The following BLM variants were observed in gnomAD, a reference collection of about 807,000 sequenced individuals.
The protein encoded by BLM is BLM RecQ like helicase.
In BLM, 95 loss-of-function variants were observed where a neutral mutation model predicts 135.3. The observed-to-expected ratio is 0.70, with a 90% CI of 0.59 to 0.83. The LOEUF (loss-of-function observed/expected upper bound fraction) is 0.83, where lower values mean the gene tolerates loss of function less well. BLM is among the 40% of genes least tolerant of loss of function. The pLI is 0.00. For missense variants in BLM, 1,518 were observed against 1,663.9 expected (o/e 0.91, Z 1.53); for synonymous variants, 520 against 589.2 (o/e 0.88, Z 1.70).
rs540661120 is a variant in BLM at position 90,752,708 on chromosome 15, C to T, written c.959+762C>T. Among the ~76,000 whole-genome samples, 103 of 152,284 alleles carry T rather than the reference C, an allele frequency of 6.8e-4. 1 individual carries two copies. Among genetic ancestry groups the T allele is most frequent in the African/African-American group, 1.8e-3 (76 of 41,566 alleles). On this transcript the variant is annotated intron_variant, in intron 4 of 21. Transcript: ENST00000355112. Reference sequence around the variant, plus strand: ...GGTAGTATTACGAGAAAAATAGATACTCCACACGACTCATCAACAGCTTAA... The same window carrying T: ...GGTAGTATTACGAGAAAAATAGATATTCCACACGACTCATCAACAGCTTAA...
intron 16 of BLM, among the ~76,000 whole-genome samples, chr15:90,794,568 A>G (rs899874977): frequency 1.3e-5 from 2 of 151,840 alleles, no homozygotes; most frequent in Admixed American, 6.6e-5. Context: ...TAAAAAATAT[A>G]ATGGACATCA....
At chr15:90,750,843 A>G (rs1396329028) in intron 3 of BLM, among the ~76,000 whole-genome samples, 1 of 152,190 alleles carries the variant, frequency 6.6e-6, no homozygotes, top group Non-Finnish European at 1.5e-5. Context: ...GAAAACACAT[A>G]GTACTTATCG....
chr15:90,786,491 A>G (rs973491663), intron 14 of BLM, among the ~76,000 whole-genome samples: 1 of 152,210 alleles, frequency 6.6e-6, no homozygotes, highest in Non-Finnish European at 1.5e-5. Flanking sequence ...CTCACCAGCA[A>G]TGTATGAGGT....
intron 19 of BLM, chr15:90,808,900 T>TTGCCCTTGCTC (rs1372614006): frequency 3.5e-6 from 2 of 575,718 alleles, no homozygotes; most frequent in Non-Finnish European, 6.2e-6. Flanking sequence ...GCCCTGGCTC[T>TTGCCCTTGCTC]TGCCCTTGCT....
chr15:90,766,842 C>A, intron 9 of BLM, 68 bp from the exon 10 acceptor site: 1 of 1,016,490 alleles, frequency 9.8e-7, no homozygotes, highest in Non-Finnish European at 1.5e-6. Context: ...TTTATAAAAC[C>A]TAAGGACAAA....
In BLM at chr15:90,811,457, A is replaced by G. The variant is rs749106995; in HGVS notation, c.4076+51A>G. ...TATAGGGAACAAGGGAAGAAAGGAC[A>G]AAAGTGCAACAGCTCTGCCTTGCTT... is the stretch of plus-strand genomic sequence containing the variant. On this transcript the variant is annotated intron_variant, in intron 21 of 21. Coordinates refer to ENST00000355112, the MANE Select transcript of BLM (RefSeq NM_000057.4). 1.9e-6 allele frequency: 3 copies of G among 1,570,646 alleles called. No homozygotes were observed. The Admixed American group carries it at 5.0e-5, about 26-fold the overall frequency.
At chr15:90,794,853 T>C (rs1226570759) in intron 16 of BLM, among the ~76,000 whole-genome samples, 1 of 151,546 alleles carries the variant, frequency 6.6e-6, no homozygotes, top group Non-Finnish European at 1.5e-5. Flanking sequence ...GTACCGTATG[T>C]TTGAATTCAA....
At chr15:90,756,345 C>T (rs374547740) in intron 5 of BLM, among the ~76,000 whole-genome samples, 2 of 152,026 alleles carry the variant, frequency 1.3e-5, no homozygotes, top group Non-Finnish European at 2.9e-5. Context: ...CCTTGTGATC[C>T]GCCCACCTCG....
At chr15:90,814,269 A>G (rs1204489672) in intron 21 of BLM, among the ~76,000 whole-genome samples, 3 of 152,230 alleles carry the variant, frequency 2.0e-5, no homozygotes, top group African/African-American at 7.2e-5. Flanking sequence ...AGCCGGTTAC[A>G]GAGCAGCAGG....
Position 90,749,645 on chromosome 15 carries a change from C to G in BLM, c.377C>G (p.Pro126Arg), listed in dbSNP as rs1060500650. 6.2e-7 allele frequency: 1 copy of G among 1,614,098 alleles called. No homozygotes were observed. The highest frequency in any genetic ancestry group is 8.5e-7 in the Non-Finnish European group (1 of 1,180,012). Residue 126 changes from proline (P) to arginine (R), a missense_variant, in exon 3 of 22, where the codon CCA becomes CGA. By Grantham distance (103) the Pro-to-Arg change is moderately radical. Coordinates refer to ENST00000355112, the MANE Select transcript of BLM (RefSeq NM_000057.4). Reference protein sequence around the residue: ...KEVVCTTQNTPTVKKSRDTAL... With the variant: ...KEVVCTTQNTRTVKKSRDTAL... ...GTTGTATGCACTACCCAAAACACACCAACTGTAAAGAAATCCCGGGATACT... is the reference window on the plus strand; with the variant it reads ...GTTGTATGCACTACCCAAAACACACGAACTGTAAAGAAATCCCGGGATACT...
chr15:90,760,435 C>T (rs928375875), intron 6 of BLM, among the ~76,000 whole-genome samples, 156 bp downstream of exon 6: 1 of 152,134 alleles, frequency 6.6e-6, no homozygotes, highest in Non-Finnish European at 1.5e-5. Context: ...ACTTTTCAAA[C>T]CACTCCTTTA....
rs1446287900 is a variant in BLM at position 90,760,905 on chromosome 15, T to G, written c.1532T>G (p.Leu511Arg). 3 of 1,613,192 alleles carry G rather than the reference T, an allele frequency of 1.9e-6. No individual in the cohort carries two copies. Among genetic ancestry groups the G allele is most frequent in the Non-Finnish European group, 2.5e-6 (3 of 1,179,730 alleles). Residue 511 changes from leucine to arginine, a missense_variant, in exon 7 of 22, where the codon CTA becomes CGA. By Grantham distance (102) the Leu-to-Arg change is moderately radical. Transcript: ENST00000355112. Reference sequence around the variant, plus strand: ...AGCAACTGGGCTGAAACACCAAGACTAGGAAAAAAAAATGAAAGCTCTTAT... The same window carrying G: ...AGCAACTGGGCTGAAACACCAAGACGAGGAAAAAAAAATGAAAGCTCTTAT... The part of the protein sequence containing the change: ...VSSNWAETPR[L>R]GKKNESSYFP...
At chr15:90,806,555 T>C (rs1326808964) in intron 19 of BLM, among the ~76,000 whole-genome samples, 10 of 151,960 alleles carry the variant, frequency 6.6e-5, no homozygotes, top group Non-Finnish European at 1.2e-4. Context: ...CTAGTTTCCT[T>C]ATGAAGAGAT....
intron 10 of BLM, among the ~76,000 whole-genome samples, chr15:90,767,284 C>T (rs543445129): frequency 6.6e-5 from 10 of 152,262 alleles, no homozygotes; most frequent in Non-Finnish European, 1.0e-4. Flanking sequence ...CTAAAAACAA[C>T]GTATTCTCTC....
rs114892103 is a variant in BLM at position 90,731,120 on chromosome 15, T to C, written c.-5+13680T>C. 2.2e-3 allele frequency among the ~76,000 whole-genome samples: 342 copies of C among 152,184 alleles called. 2 individuals are homozygous for C. The highest frequency in any genetic ancestry group is 7.9e-3 in the African/African-American group (329 of 41,532). ...ATGCCCAGTTAATTTTTATAAATTT[T>C]TGTGGAGATGAGATTTAATCACACT... On this transcript the variant is annotated intron_variant, in intron 1 of 21. Coordinates refer to ENST00000355112, the MANE Select transcript of BLM (RefSeq NM_000057.4).
intron 12 of BLM, among the ~76,000 whole-genome samples, chr15:90,778,108 AC>A (rs1330376722): frequency 6.6e-6 from 1 of 152,226 alleles, no homozygotes; most frequent in African/African-American, 2.4e-5. Context: ...GGGTCTATTA[AC>A]TTTTTCATTA....
intron 14 of BLM, among the ~76,000 whole-genome samples, chr15:90,785,329 T>C (rs1352262078): frequency 2.0e-5 from 3 of 152,190 alleles, no homozygotes; most frequent in Non-Finnish European, 4.4e-5. Context: ...TAGTACTTTT[T>C]AGTTTATTTG....
intron 5 of BLM, among the ~76,000 whole-genome samples, chr15:90,758,987 T>A (rs1895889803): frequency 6.6e-6 from 1 of 152,212 alleles, no homozygotes; most frequent in Non-Finnish European, 1.5e-5. Context: ...CGCTTAACAA[T>A]ACACTTTGTG....
At chr15:90,734,662 C>A (rs975220080) in intron 1 of BLM, among the ~76,000 whole-genome samples, 2 of 146,344 alleles carry the variant, frequency 1.4e-5, no homozygotes, top group African/African-American at 5.3e-5. Context: ...TACACACACA[C>A]GCGCGCACGC....
Sources: gnomAD v4.1 joint callset for allele counts (sites outside exome capture counted in the v4.1 genomes callset) on GRCh38, gnomAD v4.1.1 for gene constraint, MANE v1.5 for transcripts, NCBI Gene and HGNC (gene_info 2026-07-23, HGNC 2026-07-21) for gene names.